VPS51: variants seen among roughly 807,000 people sequenced by gnomAD.
VPS51 encodes vacuolar protein sorting-associated protein 51 homolog.
In VPS51, 55 loss-of-function variants were observed where a neutral mutation model predicts 65.1. That is an observed-to-expected ratio of 0.84 (90% confidence interval 0.68 to 1.06). The LOEUF (loss-of-function observed/expected upper bound fraction) is 1.06, where lower values mean the gene tolerates loss of function less well. Ranked by LOEUF, VPS51 falls within the 50% of genes least tolerant of loss-of-function variation. The pLI is 0.00. For missense variants in VPS51, 943 were observed against 1,101.6 expected, an observed-to-expected ratio of 0.86 and a Z score of 2.04; for synonymous variants, 473 against 489.5, an observed-to-expected ratio of 0.97 and a Z score of 0.44.
In VPS51 at chr11:65,108,874, C is replaced by T; in HGVS notation, c.1403C>T (p.Thr468Ile). The T allele has an allele frequency of 6.2e-7, 1 of 1,613,064 alleles. No homozygotes were observed. The highest frequency in any genetic ancestry group is 8.5e-7 in the Non-Finnish European group (1 of 1,180,026). Residue 468 changes from threonine to isoleucine, a missense_variant, in exon 5 of 10, where the codon ACC (threonine) becomes ATC (isoleucine). Thr to Ile is a moderately conservative substitution (Grantham distance 89, BLOSUM62 -1). Transcript: ENST00000279281. ...KASLAAVHLF[T>I]AKEVSFSNKP... The stretch of plus-strand genomic sequence containing the variant: ...TCTCTGGCAGCAGTGCACCTTTTCA[C>T]CGCCAAAGAGGTGTCCTTCTCCAAC...
rs946892867 is a variant in VPS51, at chr11:65,110,422, C to G, written c.1879-60C>G. 1.3e-5 allele frequency: 21 copies of G among 1,612,450 alleles called. No homozygotes were observed. The African/African-American group carries it at 2.0e-4, about 15-fold the overall frequency. ...AGCTGACTTAGGGCATCCTCAGCAC[C>G]GATGGGCTGGTGGTTTCCCCTGACT... On this transcript the variant is annotated intron_variant, in intron 7 of 9. Coordinates refer to ENST00000279281, the MANE Select transcript of VPS51 (RefSeq NM_013265.4).
At chr11:65,109,951 C>A in intron 7 of VPS51, 28 bp downstream of exon 7, 1 of 1,556,762 alleles carries the variant, frequency 6.4e-7, no homozygotes, top group East Asian at 2.3e-5. Flanking sequence ...CGGGGTAGCC[C>A]TGACGCAGGC....
At chr11:65,105,864 C>T (rs1355313203) in intron 2 of VPS51, among the ~76,000 whole-genome samples, 4 of 152,160 alleles carry the variant, frequency 2.6e-5, no homozygotes, top group African/African-American at 9.7e-5. Flanking sequence ...CAGTTTATTA[C>T]AAAGGATGTT....
chr11:65,108,960 C>T (rs1947867362), intron 5 of VPS51, 46 bp downstream of exon 5: 2 of 1,587,816 alleles, frequency 1.3e-6, no homozygotes, highest in African/African-American at 1.3e-5. Context: ...CTGGTTGACC[C>T]TCCAAAACCT....
At chr11:65,096,514 G>GTT in intron 1 of VPS51, 36 bp downstream of exon 1, 1 of 1,142,216 alleles carries the variant, frequency 8.8e-7, no homozygotes, top group Non-Finnish European at 1.2e-6. Context: ...GTGCGGGGAG[G>GTT]GGGGAAGGGA....
Position 65,111,590 on chromosome 11 carries a change from G to C in VPS51, c.*3G>C, listed in dbSNP as rs773682406. 1 of 1,599,556 alleles carries C rather than the reference G, an allele frequency of 6.3e-7. No homozygotes were observed. The highest frequency in any genetic ancestry group is 1.3e-5 in the African/African-American group (1 of 74,840). The stretch of plus-strand genomic sequence containing the variant: ...AGGTCATCTGCGAGCGCGGCTAGGC[G>C]CAGCCGCTGCCATGCACCGGTCTGT... On this transcript the variant is annotated 3_prime_UTR_variant, in exon 10 of 10. Coordinates refer to ENST00000279281, the MANE Select transcript of VPS51 (RefSeq NM_013265.4).
chr11:65,107,733 C>G lies in VPS51; in HGVS notation c.505+6C>G. ...GCGCATCACCAAGCTGGCAGGTGGG[C>G]GCTGCCGGGCAGGGCCTGCAGTGGG... On this transcript the variant is annotated splice_donor_region_variant and intron_variant, in intron 3 of 9. Transcript: ENST00000279281. The surrounding 1 kb of genome is among the most constrained non-coding windows in gnomAD (Gnocchi z 4.0). 6.2e-7 allele frequency: 1 copy of G among 1,606,430 alleles called. No homozygotes were observed. The highest frequency in any genetic ancestry group is 8.5e-7 in the Non-Finnish European group (1 of 1,175,878).
chr11:65,098,120 G>A (rs969192242), intron 2 of VPS51, among the ~76,000 whole-genome samples: 12 of 152,138 alleles, frequency 7.9e-5, no homozygotes, highest in African/African-American at 2.9e-4. Context: ...GGTGGAGGCT[G>A]CGGTGAGCCA....
rs1259545697 is a variant in VPS51 at position 65,107,211 on chromosome 11, G to A, written c.359-370G>A. 4.1e-6 allele frequency: 2 copies of A among 489,620 alleles called. No homozygotes were observed. The highest frequency in any genetic ancestry group is 6.0e-5 in the East Asian group (1 of 16,774). 30.3% of individuals were successfully genotyped at this position (489,620 alleles called of 1,614,324 possible). ...GGCAGTGCGCTGGACACGCAGATGC[G>A]CTTGGGAGCCAGCGGTCCCTGCCTT... is the stretch of plus-strand genomic sequence containing the variant. On this transcript the variant is annotated intron_variant, in intron 2 of 9. Coordinates refer to ENST00000279281, the MANE Select transcript of VPS51 (RefSeq NM_013265.4). The surrounding 1 kb of genome is among the most constrained non-coding windows in gnomAD (Gnocchi z 4.0).
At chr11:65,100,297 C>T (rs958174828) in intron 2 of VPS51, among the ~76,000 whole-genome samples, 1 of 152,092 alleles carries the variant, frequency 6.6e-6, no homozygotes, top group Non-Finnish European at 1.5e-5. Context: ...CCAGAGAAAA[C>T]ATACAAGTGG....
Position 65,109,469 on chromosome 11 carries a change from C to T in VPS51, c.1633C>T (p.Leu545Phe), listed in dbSNP as rs1325136641. ...ETATISYILT[L>F]TDEQFLVQDQ... ...GGCCACCATCTCCTACATCCTCACTCTCACTGATGAACAGTTTCTGGTGCA... is the reference window on the plus strand; with the variant it reads ...GGCCACCATCTCCTACATCCTCACTTTCACTGATGAACAGTTTCTGGTGCA... Residue 545 changes from leucine to phenylalanine, a missense_variant, in exon 6 of 10, where the codon CTC becomes TTC. By Grantham distance (22) the Leu-to-Phe change is conservative. This residue lies in a region of VPS51 where 855 missense variants were observed against 953.7 expected (regional missense o/e 0.90). Coordinates refer to ENST00000279281, the MANE Select transcript of VPS51 (RefSeq NM_013265.4). 1.2e-6 allele frequency: 2 copies of T among 1,607,072 alleles called. No homozygotes were observed. Among genetic ancestry groups the T allele is most frequent in the Admixed American group, 1.7e-5 (1 of 60,002 alleles).
chr11:65,109,677 C>A (rs778011238), intron 6 of VPS51, 28 bp from the exon 7 acceptor site: 31 of 1,542,216 alleles, frequency 2.0e-5, no homozygotes, highest in Middle Eastern at 3.8e-4. Flanking sequence ...CATACCCACT[C>A]CCTCTGTCCT....
At position 65,107,358 on chromosome 11, in the gene VPS51, G is replaced by T; in HGVS notation, c.359-223G>T. On this transcript the variant is annotated intron_variant, in intron 2 of 9. Transcript: ENST00000279281. This position sits in a 1 kb window ranked among gnomAD's most constrained non-coding sequence, Gnocchi z 4.0. Reference sequence around the variant, plus strand: ...GCTCTCCTGGGCACCAGGGTTAGGGGGTTACGGGGAGTATGTGAGTAACGC... The same window carrying T: ...GCTCTCCTGGGCACCAGGGTTAGGGTGTTACGGGGAGTATGTGAGTAACGC... 3 of 636,832 alleles carry T rather than the reference G, an allele frequency of 4.7e-6. No individual in the cohort carries two copies. Among genetic ancestry groups the T allele is most frequent in the South Asian group, 1.7e-5 (1 of 58,128 alleles). 39.4% of individuals were successfully genotyped at this position (636,832 alleles called of 1,614,324 possible).
At position 65,107,999 on chromosome 11, in the gene VPS51, C is replaced by T. The variant is rs1041297354; in HGVS notation, c.702C>T (p.Ala234=). The T allele has an allele frequency of 3.2e-6, 5 of 1,542,322 alleles. No homozygotes were observed. The highest frequency in any genetic ancestry group is 1.2e-5 in the South Asian group (1 of 84,174). ...DDCQVITARL[A]QQLRQRFREG... ...GCCAGGTCATCACGGCCCGCCTGGC[C>T]CAGCAGCTGCGGCAGCGCTTTAGGT... The change falls in exon 4 of 10, where the codon GCC becomes GCT. Residue 234 remains alanine (A), a synonymous_variant. Transcript: ENST00000279281. This position sits in a 1 kb window ranked among gnomAD's most constrained non-coding sequence, Gnocchi z 4.0.
chr11:65,107,178 C>G lies in VPS51; in HGVS notation c.359-403C>G, dbSNP rs1349112425. ...ATGAGGGTCAACAAGAATGTATTGC[C>G]TCATCCAGGCAGTGCGCTGGACACG... On this transcript the variant is annotated intron_variant, in intron 2 of 9. Transcript: ENST00000279281. The surrounding 1 kb of genome is among the most constrained non-coding windows in gnomAD (Gnocchi z 4.0). The G allele has an allele frequency of 1.3e-5, 6 of 470,016 alleles. No homozygotes were observed. The highest frequency in any genetic ancestry group is 2.5e-5 in the Non-Finnish European group (6 of 236,808). 29.1% of individuals were successfully genotyped at this position (470,016 alleles called of 1,614,324 possible). A position where few individuals can be genotyped will look rare whatever the true frequency, so the allele number is the denominator to read the frequency against.
In VPS51 at chr11:65,109,340, T is replaced by A; in HGVS notation, c.1504T>A (p.Cys502Ser). 1 of 1,613,630 alleles carries A rather than the reference T, an allele frequency of 6.2e-7. No homozygotes were observed. ...CATCGTGGGCTTCGTCCACTCTATG[T>A]GCCAGACGGCTCAGAGCTTCTGCGA... Reference protein sequence around the residue: ...GLIVGFVHSMCQTAQSFCDSP... With the variant: ...GLIVGFVHSMSQTAQSFCDSP... Residue 502 changes from cysteine (C) to serine (S), a missense_variant, in exon 6 of 10, where the codon TGC becomes AGC. By Grantham distance (112) the Cys-to-Ser change is moderately radical (BLOSUM62 -1). Transcript: ENST00000279281.
chr11:65,108,847 C>T lies in VPS51; in HGVS notation c.1376C>T (p.Ala459Val), dbSNP rs527307869. Residue 459 changes from alanine to valine, a missense_variant, in exon 5 of 10, where the codon GCC becomes GTC. By Grantham distance (64) the Ala-to-Val change is moderately conservative. Transcript: ENST00000279281. ...AGCTCCATCCTGAGCCACATTAAGG[C>T]CTCTCTGGCAGCAGTGCACCTTTTC... ...VASSILSHIKASLAAVHLFTA... is the reference protein window; with the variant it reads ...VASSILSHIKVSLAAVHLFTA... 2.4e-5 allele frequency: 38 copies of T among 1,613,020 alleles called. No homozygotes were observed. The East Asian group carries it at 7.4e-4, about 31-fold the overall frequency.
chr11:65,096,236 G>A lies in VPS51; in HGVS notation c.-15G>A. On this transcript the variant is annotated 5_prime_UTR_variant, in exon 1 of 10. Transcript: ENST00000279281. The stretch of plus-strand genomic sequence containing the variant: ...TTCCTTTCCAGCCTCACGCCCGTGG[G>A]CTGCAGTTGGAACGATGGCGGCGGC... The A allele has an allele frequency of 6.5e-7, 1 of 1,528,204 alleles. No individual in the cohort carries two copies. The highest frequency in any genetic ancestry group is 8.8e-7 in the Non-Finnish European group (1 of 1,140,272). The allele number at this position is 1,528,204 out of a possible 1,614,324, so 94.7% of individuals were successfully genotyped here. A position where few individuals can be genotyped will look rare whatever the true frequency, so the allele number is the denominator to read the frequency against.
At chr11:65,106,770 AG>A (rs1947844785) in intron 2 of VPS51, among the ~76,000 whole-genome samples, 1 of 148,228 alleles carries the variant, frequency 6.7e-6, no homozygotes, top group Non-Finnish European at 1.5e-5. Context: ...AAAAAAGAAT[AG>A]GTGGAATTGA....
Sources: gnomAD v4.1 joint callset for allele counts (sites outside exome capture counted in the v4.1 genomes callset) on GRCh38, gnomAD v4.1.1 for gene constraint, gnomAD v4.1.1 regional missense constraint, Gnocchi (gnomAD v3.1) non-coding constraint, MANE v1.5 for transcripts, NCBI Gene and HGNC (gene_info 2026-07-23, HGNC 2026-07-21) for gene names.